The following TMTC2 variants were observed in gnomAD, a reference collection of about 807,000 sequenced individuals.
TMTC2 encodes the protein protein O-mannosyl-transferase TMTC2.
Under a neutral mutation model 82.4 loss-of-function variants are expected in TMTC2, and 43 were observed. That is an observed-to-expected ratio of 0.52 (90% CI 0.41 to 0.67). TMTC2 has a LOEUF of 0.67. Among genes scored for constraint, TMTC2 ranks in the 30% least tolerant of loss-of-function variants. The pLI is 0.00. For synonymous variants in TMTC2, 408 were observed against 381.9 expected (o/e 1.07, Z -0.80); for missense variants, 919 against 1,012.4 (o/e 0.91, Z 1.25).
chr12:82,911,186 G>A (rs1470389769), intron 3 of TMTC2, among the ~76,000 whole-genome samples: 1 of 151,888 alleles, frequency 6.6e-6, no homozygotes, highest in African/African-American at 2.4e-5. Context: ...GGCGGGTCTC[G>A]GGTTTTTACA....
chr12:82,779,589 G>A (rs1226904377), intron 1 of TMTC2, among the ~76,000 whole-genome samples: 1 of 152,116 alleles, frequency 6.6e-6, no homozygotes, highest in Non-Finnish European at 1.5e-5. Context: ...ACTTAGTGTA[G>A]CTGTTAAACA....
chr12:83,128,687 A>G (rs113308339), intron 11 of TMTC2, among the ~76,000 whole-genome samples: 116 of 152,260 alleles, frequency 7.6e-4, no homozygotes, highest in African/African-American at 2.6e-3. Context: ...GCAGGGCCTG[A>G]AATTCTGCAT....
chr12:82,881,514 A>G (rs964425783), intron 2 of TMTC2, among the ~76,000 whole-genome samples: 2 of 152,234 alleles, frequency 1.3e-5, no homozygotes, highest in Non-Finnish European at 2.9e-5. Flanking sequence ...CAAAAATTGC[A>G]TATTTTCAAG....
chr12:82,806,269 A>G (rs1377604929), intron 1 of TMTC2, among the ~76,000 whole-genome samples: 1 of 152,172 alleles, frequency 6.6e-6, no homozygotes, highest in African/African-American at 2.4e-5. Flanking sequence ...GACAAGAAAA[A>G]AAATGGCTCA....
intron 1 of TMTC2, among the ~76,000 whole-genome samples, chr12:82,771,232 G>A (rs1057017304): frequency 4.7e-5 from 7 of 148,234 alleles, no homozygotes; most frequent in South Asian, 2.1e-4. Context: ...AAAAGTTGTC[G>A]AATGCAAGCG....
intron 11 of TMTC2, among the ~76,000 whole-genome samples, chr12:83,070,538 T>G (rs114579375): frequency 0.011 from 1,653 of 152,314 alleles, 37 homozygotes; most frequent in African/African-American, 0.037. Flanking sequence ...TGTACATTAA[T>G]TTTATATCCA....
At chr12:83,079,727 A>G (rs751382823) in intron 11 of TMTC2, among the ~76,000 whole-genome samples, 2 of 152,192 alleles carry the variant, frequency 1.3e-5, no homozygotes, top group Non-Finnish European at 2.9e-5. Flanking sequence ...CAAATATTGA[A>G]AGACCAAAAA....
chr12:82,899,813 G>A lies in TMTC2; in HGVS notation c.1483+3167G>A, dbSNP rs993391485. Among the ~76,000 whole-genome samples the A allele has an allele frequency of 1.1e-4, 14 of 126,114 alleles. No homozygotes were observed. In the South Asian group the frequency reaches 1.4e-3, roughly 13 times the overall value. The allele number at this position is 126,114 out of a possible 152,430, so 82.7% of individuals were successfully genotyped here. A position where few individuals can be genotyped will look rare whatever the true frequency, so the allele number is the denominator to read the frequency against. ...CATATATAGGAATATATATATATCC[G>A]GAATATAGATATAGGAATATATATA... On this transcript the variant is annotated intron_variant, in intron 3 of 11. Coordinates refer to ENST00000321196, the MANE Select transcript of TMTC2 (RefSeq NM_152588.3).
chr12:82,805,311 C>T (rs1053408343), intron 1 of TMTC2, among the ~76,000 whole-genome samples: 3 of 152,010 alleles, frequency 2.0e-5, no homozygotes, highest in African/African-American at 7.2e-5. Flanking sequence ...GAGCTAAGAA[C>T]ATAAAGTACT....
At chr12:82,757,589 G>T (rs1876407312) in intron 1 of TMTC2, among the ~76,000 whole-genome samples, 1 of 152,018 alleles carries the variant, frequency 6.6e-6, no homozygotes, top group African/African-American at 2.4e-5. Context: ...CAGTTATGAG[G>T]TTACTCTTGA....
rs1282211374 is a variant in TMTC2 at position 82,719,085 on chromosome 12, A to ATATAT, written c.83+31417_83+31418insATATT. ...TATATATATATATATATATATATAT[A>ATATAT]TTTTTTTTTTTTTTTTTTTTTTTTT... On this transcript the variant is annotated intron_variant, in intron 1 of 11. Coordinates refer to ENST00000321196, the MANE Select transcript of TMTC2 (RefSeq NM_152588.3). 9.5e-3 allele frequency among the ~76,000 whole-genome samples: 396 copies of ATATAT among 41,484 alleles called. 5 individuals carry two copies. The highest frequency in any genetic ancestry group is 0.011 in the Non-Finnish European group (290 of 26,340). The allele number at this position is 41,484 out of a possible 152,430, so 27.2% of individuals were successfully genotyped here. A position where few individuals can be genotyped will look rare whatever the true frequency, so the allele number is the denominator to read the frequency against.
At chr12:82,816,970 T>C (rs1005325296) in intron 1 of TMTC2, among the ~76,000 whole-genome samples, 1 of 147,830 alleles carries the variant, frequency 6.8e-6, no homozygotes, top group Non-Finnish European at 1.5e-5. Flanking sequence ...CTTTCTTTGT[T>C]TTTTTTTTTT....
At chr12:82,901,771 C>T (rs1371957517) in intron 3 of TMTC2, among the ~76,000 whole-genome samples, 1 of 151,996 alleles carries the variant, frequency 6.6e-6, no homozygotes, top group Non-Finnish European at 1.5e-5. Flanking sequence ...TTTGCTATAG[C>T]CGTGGGTGCC....
chr12:83,079,638 A>T (rs1592733421), intron 11 of TMTC2, among the ~76,000 whole-genome samples: 1 of 152,174 alleles, frequency 6.6e-6, no homozygotes, highest in East Asian at 1.9e-4. Context: ...ATAGGCATTC[A>T]TACTTCCTCA....
chr12:82,995,286 A>G (rs575875868), intron 8 of TMTC2, among the ~76,000 whole-genome samples: 1 of 152,082 alleles, frequency 6.6e-6, no homozygotes, highest in South Asian at 2.1e-4. Flanking sequence ...CAATGCTTTT[A>G]CAAAAGGAAA....
intron 2 of TMTC2, among the ~76,000 whole-genome samples, chr12:82,859,777 A>G (rs1871440534): frequency 6.6e-6 from 1 of 152,142 alleles, no homozygotes; most frequent in Non-Finnish European, 1.5e-5. Flanking sequence ...AAGTTTCCAG[A>G]TGGCTCTTTG....
intron 1 of TMTC2, among the ~76,000 whole-genome samples, chr12:82,747,405 C>T (rs1875746952): frequency 6.6e-6 from 1 of 152,154 alleles, no homozygotes; most frequent in Non-Finnish European, 1.5e-5. Context: ...TCTCCTGATT[C>T]AAGGTTCAGC....
chr12:82,760,379 T>TA (rs1406878900), intron 1 of TMTC2: 8 of 151,798 alleles, frequency 5.3e-5, no homozygotes, highest in Admixed American at 3.9e-4. Flanking sequence ...CTCAGGTTTT[T>TA]ATTCAATGAA....
chr12:83,075,770 A>T (rs768710973), intron 11 of TMTC2, among the ~76,000 whole-genome samples: 1 of 152,320 alleles, frequency 6.6e-6, no homozygotes, highest in East Asian at 1.9e-4. Context: ...TCCTGCCCAC[A>T]TCTGTCTTCA....
Sources: allele counts gnomAD v4.1 joint callset (sites outside exome capture counted in the v4.1 genomes callset), GRCh38; gene constraint gnomAD v4.1.1; transcripts MANE v1.5; gene names NCBI Gene and HGNC (gene_info 2026-07-23, HGNC 2026-07-21).